Variants in CAMKMT observed in about 807,000 individuals in gnomAD.
CAMKMT encodes CaM KMT.
CAMKMT carries 53 observed loss-of-function variants against 48.0 expected under a neutral mutation model. The ratio of observed to expected loss-of-function variants is 1.10; its 90% CI spans 0.89 to 1.39. CAMKMT has a LOEUF of 1.39. Ranked by LOEUF, CAMKMT falls within the 40% of genes most tolerant of loss-of-function variation. The pLI, the probability that CAMKMT is intolerant of heterozygous loss-of-function variation, is 0.00. For missense variants in CAMKMT, 428 were observed against 402.7 expected (o/e 1.06, Z -0.54); for synonymous variants, 165 against 152.3 (o/e 1.08, Z -0.61).
Position 44,625,591 on chromosome 2 carries a change from A to T in CAMKMT, c.377-78692A>T, listed in dbSNP as rs565038804. Among the ~76,000 whole-genome samples the T allele has an allele frequency of 5.9e-5, 9 of 152,196 alleles. No homozygotes were observed. The East Asian group carries it at 1.7e-3, about 29-fold the overall frequency. ...GTTCTAAAAAGTTTTGCTCACACAA[A>T]CATCATGAAGATTTTTCTCCTATGT... On this transcript the variant is annotated intron_variant, in intron 3 of 10. Coordinates refer to ENST00000378494, the MANE Select transcript of CAMKMT (RefSeq NM_024766.5).
chr2:44,523,543 C>T (rs1487905414), intron 3 of CAMKMT, among the ~76,000 whole-genome samples: 1 of 151,422 alleles, frequency 6.6e-6, no homozygotes, highest in African/African-American at 2.4e-5. Flanking sequence ...GATCCACCCA[C>T]CTCGGCCTCC....
chr2:44,731,144 C>T (rs1305536501), intron 7 of CAMKMT, among the ~76,000 whole-genome samples: 1 of 152,192 alleles, frequency 6.6e-6, no homozygotes, highest in African/African-American at 2.4e-5. Context: ...AGTTTGAGAC[C>T]AGCCTGGCCA....
chr2:44,554,338 G>A (rs958012786), intron 3 of CAMKMT, among the ~76,000 whole-genome samples: 6 of 152,182 alleles, frequency 3.9e-5, no homozygotes, highest in African/African-American at 1.4e-4. Flanking sequence ...GATTGCCTAG[G>A]TTCAAATCCT....
chr2:44,507,329 C>T (rs1670312406), intron 3 of CAMKMT, among the ~76,000 whole-genome samples: 1 of 152,046 alleles, frequency 6.6e-6, no homozygotes, highest in African/African-American at 2.4e-5. Flanking sequence ...CTTTAATGAC[C>T]TTCACTCAGA....
rs559455196 is a variant in CAMKMT, at chr2:44,398,561, T to A, written c.376+8256T>A. On this transcript the variant is annotated intron_variant, in intron 3 of 10. Transcript: ENST00000378494. ...ACTTCAGTTTCTTTCTTTTTTCTTT[T>A]CTTTTCTTTTTTTTTTTTTTTGAGA... Among the ~76,000 whole-genome samples the A allele has an allele frequency of 5.0e-5, 6 of 119,532 alleles. No homozygotes were observed. In the East Asian group the frequency reaches 1.2e-3, roughly 25 times the overall value. 78.4% of individuals were successfully genotyped at this position (119,532 alleles called of 152,430 possible).
chr2:44,631,087 G>C (rs1427298214), intron 3 of CAMKMT, among the ~76,000 whole-genome samples: 1 of 152,230 alleles, frequency 6.6e-6, no homozygotes, highest in African/African-American at 2.4e-5. Flanking sequence ...ATGAGTTCAT[G>C]TCCTTTGTAG....
chr2:44,390,516 G>T (rs1681231281), intron 3 of CAMKMT, among the ~76,000 whole-genome samples: 1 of 150,874 alleles, frequency 6.6e-6, no homozygotes, highest in African/African-American at 2.4e-5. Context: ...AAACTTCGCA[G>T]GTGTGTGTGT....
At chr2:44,363,600 G>C (rs1258886868) in intron 1 of CAMKMT, among the ~76,000 whole-genome samples, 2 of 148,760 alleles carry the variant, frequency 1.3e-5, no homozygotes, top group African/African-American at 5.0e-5. Flanking sequence ...AGCTGGTCTC[G>C]AACTCCCCAC....
intron 3 of CAMKMT, among the ~76,000 whole-genome samples, chr2:44,558,211 T>A (rs943563692): frequency 1.4e-4 from 21 of 152,236 alleles, no homozygotes; most frequent in African/African-American, 4.3e-4. Flanking sequence ...GCTAATTTTT[T>A]AAATTTTTTG....
At chr2:44,721,759 C>G (rs1445109060) in intron 7 of CAMKMT, among the ~76,000 whole-genome samples, 1 of 151,426 alleles carries the variant, frequency 6.6e-6, no homozygotes, top group Admixed American at 6.6e-5. Context: ...TGCTTGAGCC[C>G]AGGAGTTCGA....
At chr2:44,597,949 C>G (rs1377600680) in intron 3 of CAMKMT, among the ~76,000 whole-genome samples, 1 of 152,114 alleles carries the variant, frequency 6.6e-6, no homozygotes, top group Non-Finnish European at 1.5e-5. Context: ...GTTGGTCAGG[C>G]TGGTCTCGAA....
chr2:44,471,143 C>T (rs535780208), intron 3 of CAMKMT, among the ~76,000 whole-genome samples: 1 of 151,820 alleles, frequency 6.6e-6, no homozygotes, highest in South Asian at 2.1e-4. Context: ...TACAGGCACC[C>T]GCCATCACAC....
chr2:44,491,235 C>G (rs893653501), intron 3 of CAMKMT, among the ~76,000 whole-genome samples: 3 of 151,262 alleles, frequency 2.0e-5, no homozygotes, highest in Non-Finnish European at 2.9e-5. Context: ...TTTGAGATTT[C>G]CAGCAAGGTT....
At position 44,733,650 on chromosome 2, in the gene CAMKMT, G is replaced by A. The variant is rs1386105458; in HGVS notation, c.624-9972G>A. Among the ~76,000 whole-genome samples, 3 of 152,116 alleles carry A rather than the reference G, an allele frequency of 2.0e-5. No homozygotes were observed. In the East Asian group the frequency reaches 5.8e-4, roughly 29 times the overall value. On this transcript the variant is annotated intron_variant, in intron 7 of 10. Coordinates refer to ENST00000378494, the MANE Select transcript of CAMKMT (RefSeq NM_024766.5). ...TTGCTGAAAGTTTTTAGCAGGAACA[G>A]ACATTAATCTTTGTCAGAAGCATTT...
chr2:44,665,201 G>A (rs1674896495), intron 3 of CAMKMT, among the ~76,000 whole-genome samples: 1 of 152,134 alleles, frequency 6.6e-6, no homozygotes, highest in Admixed American at 6.5e-5. Flanking sequence ...CTCCTGAGTA[G>A]CTGGGATTAC....
chr2:44,509,421 C>T (rs1199981408), intron 3 of CAMKMT, among the ~76,000 whole-genome samples: 2 of 152,152 alleles, frequency 1.3e-5, no homozygotes, highest in East Asian at 1.9e-4. Flanking sequence ...GTGATCTTCC[C>T]ACCTCAGCCT....
intron 3 of CAMKMT, among the ~76,000 whole-genome samples, chr2:44,539,940 T>C (rs903199737): frequency 1.3e-5 from 2 of 152,198 alleles, no homozygotes; most frequent in Non-Finnish European, 2.9e-5. Context: ...GTTACTGTTT[T>C]TCTTTTTATA....
intron 3 of CAMKMT, among the ~76,000 whole-genome samples, chr2:44,672,608 GAC>G (rs1675396798): frequency 6.6e-6 from 1 of 152,156 alleles, no homozygotes; most frequent in Non-Finnish European, 1.5e-5. Context: ...GGAACACCAT[GAC>G]ACAGCCAGAG....
chr2:44,599,563 T>G (rs1271040770), intron 3 of CAMKMT, among the ~76,000 whole-genome samples: 1 of 152,270 alleles, frequency 6.6e-6, no homozygotes, highest in Admixed American at 6.5e-5. Context: ...AAGTAATTTG[T>G]CAGAAGCATT....
Sources: allele counts gnomAD v4.1 joint callset (sites outside exome capture counted in the v4.1 genomes callset), GRCh38; gene constraint gnomAD v4.1.1; transcripts MANE v1.5; gene names NCBI Gene and HGNC (gene_info 2026-07-23, HGNC 2026-07-21).